Variants in TRMT11 observed in about 807,000 individuals in gnomAD.
The protein encoded by TRMT11 is tRNA methyltransferase 11.
In TRMT11, 53 loss-of-function variants were observed where a neutral mutation model predicts 62.8. The ratio of observed to expected loss-of-function variants is 0.84; its 90% CI spans 0.68 to 1.06. TRMT11 has a LOEUF of 1.06. Ranked by LOEUF, TRMT11 falls within the 50% of genes least tolerant of loss-of-function variation. The probability of loss-of-function intolerance (pLI) is 0.00; values close to 1 mark genes in which losing one functional copy is unlikely to be tolerated. For missense variants in TRMT11, 556 were observed against 553.4 expected (o/e 1.00, Z -0.05); for synonymous variants, 188 against 190.3 (o/e 0.99, Z 0.10).
At chr6:126,232,206 A>G in the TRMT11 span, among the ~76,000 whole-genome samples, 1 of 152,064 alleles carries the variant, frequency 6.6e-6, no homozygotes, top group African/African-American at 2.4e-5. Flanking sequence ...TTTCATGTAT[A>G]TATTTGTGAT....
At chr6:126,110,536 T>C (rs1486028307) in intron 17 of TRMT11, among the ~76,000 whole-genome samples, 2 of 152,212 alleles carry the variant, frequency 1.3e-5, no homozygotes, top group African/African-American at 4.8e-5. Flanking sequence ...ATCCCTTTCT[T>C]CTTCCCTGAT....
At chr6:126,237,584 G>T in the TRMT11 span, among the ~76,000 whole-genome samples, 7 of 152,072 alleles carry the variant, frequency 4.6e-5, no homozygotes, top group South Asian at 1.5e-3. Context: ...GGGAGGCTGA[G>T]GGGGGAGGAT....
chr6:126,233,678 T>A, the TRMT11 span, among the ~76,000 whole-genome samples: 1 of 152,170 alleles, frequency 6.6e-6, no homozygotes, highest in Non-Finnish European at 1.5e-5. Context: ...CCACAATTCT[T>A]TTAGAGGTCT....
intron 17 of TRMT11, among the ~76,000 whole-genome samples, chr6:126,066,602 C>G (rs1419874802): frequency 1.3e-5 from 2 of 152,142 alleles, no homozygotes; most frequent in Non-Finnish European, 2.9e-5. Context: ...TGAAACCATC[C>G]CACTGGGGGT....
chr6:126,054,174 T>C (rs1776301862), intron 17 of TRMT11, among the ~76,000 whole-genome samples: 1 of 152,214 alleles, frequency 6.6e-6, no homozygotes, highest in Non-Finnish European at 1.5e-5. Context: ...TCTTTCAAAA[T>C]GGTGTCCTTG....
chr6:126,208,331 T>A (rs1778808332), downstream of TRMT11, among the ~76,000 whole-genome samples: 1 of 152,228 alleles, frequency 6.6e-6, no homozygotes, highest in Admixed American at 6.5e-5. Flanking sequence ...CTGCTGATGA[T>A]GTTTAATATC....
At chr6:126,026,802 G>GTTTTTTT (rs1222722212) in intron 12 of TRMT11, among the ~76,000 whole-genome samples, 2 of 121,732 alleles carry the variant, frequency 1.6e-5, no homozygotes, top group African/African-American at 6.6e-5. Flanking sequence ...GGTTTTTTGG[G>GTTTTTTT]TTTTTTTTTT....
intron 17 of TRMT11, among the ~76,000 whole-genome samples, chr6:126,109,093 G>A (rs997063963): frequency 6.6e-6 from 1 of 152,012 alleles, no homozygotes; most frequent in African/African-American, 2.4e-5. Context: ...TTGAGAATAA[G>A]TTGCATGCTC....
chr6:126,040,168 G>C (rs1775832745), downstream of TRMT11, among the ~76,000 whole-genome samples: 1 of 152,036 alleles, frequency 6.6e-6, no homozygotes, highest in Non-Finnish European at 1.5e-5. Flanking sequence ...TGAGATTTTA[G>C]CTTAGCCCCT....
At chr6:126,260,296 A>C in the TRMT11 span, among the ~76,000 whole-genome samples, 4 of 152,170 alleles carry the variant, frequency 2.6e-5, no homozygotes, top group African/African-American at 9.7e-5. Context: ...TAGCAACTTA[A>C]CCTTGGTCAC....
chr6:125,987,970 G>A (rs1008351203), intron 1 of TRMT11, among the ~76,000 whole-genome samples: 1 of 152,066 alleles, frequency 6.6e-6, no homozygotes, highest in African/African-American at 2.4e-5. Flanking sequence ...AACTAGGAGC[G>A]GGGAAGAAAT....
chr6:126,013,472 G>A (rs1416068073), intron 11 of TRMT11, among the ~76,000 whole-genome samples: 1 of 152,072 alleles, frequency 6.6e-6, no homozygotes, highest in African/African-American at 2.4e-5. Context: ...TGTTGCCCAG[G>A]TTGGTTTTAA....
At chr6:126,023,959 G>A (rs969992669) in intron 12 of TRMT11, among the ~76,000 whole-genome samples, 8 of 152,038 alleles carry the variant, frequency 5.3e-5, no homozygotes, top group Non-Finnish European at 1.0e-4. Flanking sequence ...AACAAAGTGA[G>A]TTGCTTAAAA....
At chr6:126,199,372 C>G (rs1778709523) in intron 2 of TRMT11, among the ~76,000 whole-genome samples, 1 of 152,138 alleles carries the variant, frequency 6.6e-6, no homozygotes, top group Non-Finnish European at 1.5e-5. Context: ...ATCTCAGGCT[C>G]AGGCTCTGCA....
intron 21 of TRMT11, among the ~76,000 whole-genome samples, chr6:126,158,766 C>A (rs533119902): frequency 6.6e-6 from 1 of 152,330 alleles, no homozygotes; most frequent in East Asian, 1.9e-4. Flanking sequence ...TTCTGTGGCT[C>A]TATCTCCCAC....
At chr6:126,093,176 C>T (rs1164267292) in intron 17 of TRMT11, among the ~76,000 whole-genome samples, 1 of 151,966 alleles carries the variant, frequency 6.6e-6, no homozygotes, top group African/African-American at 2.4e-5. Context: ...TATAAGTTAT[C>T]CTCACATTTG....
At chr6:126,071,005 G>A (rs1303312965) in intron 17 of TRMT11, among the ~76,000 whole-genome samples, 1 of 152,156 alleles carries the variant, frequency 6.6e-6, no homozygotes, top group Admixed American at 6.5e-5. Context: ...AAGGCTTTTC[G>A]GAGTTGGTGG....
At chr6:126,227,532 G>A in the TRMT11 span, among the ~76,000 whole-genome samples, 1 of 152,244 alleles carries the variant, frequency 6.6e-6, no homozygotes, top group South Asian at 2.1e-4. Context: ...AATATTTGCC[G>A]ATTTAACCAT....
At chr6:126,213,740 T>A in the TRMT11 span, among the ~76,000 whole-genome samples, 1 of 152,042 alleles carries the variant, frequency 6.6e-6, no homozygotes, top group Non-Finnish European at 1.5e-5. Flanking sequence ...GCCCTTTATA[T>A]CTCTCTCCTC....
Sources: gnomAD v4.1 joint callset for allele counts (sites outside exome capture counted in the v4.1 genomes callset) on GRCh38, gnomAD v4.1.1 for gene constraint, MANE v1.5 for transcripts, NCBI Gene and HGNC (gene_info 2026-07-23, HGNC 2026-07-21) for gene names.